IMPG1: variants seen among roughly 807,000 people sequenced by gnomAD.
IMPG1 encodes the protein interphotoreceptor matrix proteoglycan of 150 kDa.
Under a neutral mutation model 92.0 loss-of-function variants are expected in IMPG1, and 85 were observed. The observed-to-expected ratio is 0.92, with a 90% CI of 0.78 to 1.11. The LOEUF (loss-of-function observed/expected upper bound fraction) is 1.11. Ranked by LOEUF, IMPG1 falls within the 50% of genes least tolerant of loss-of-function variation. The probability of loss-of-function intolerance (pLI) is 0.00; values close to 1 mark genes in which losing one functional copy is unlikely to be tolerated. For missense variants in IMPG1, 1,022 were observed against 956.0 expected (o/e 1.07, Z -0.91); for synonymous variants, 367 against 334.1 (o/e 1.10, Z -1.08).
rs948808743 is a variant in IMPG1, at chr6:75,921,953, T to C, written c.*136A>G. ...ACATGACTCTTCTATATTTGAAATA[T>C]GGTGTGTGCTGATTCTCAGTGTTGA... On this transcript the variant is annotated 3_prime_UTR_variant, in exon 17 of 17. Coordinates refer to ENST00000369950, the MANE Select transcript of IMPG1 (RefSeq NM_001563.4). The C allele has an allele frequency of 3.5e-5, 20 of 579,152 alleles. No individual in the cohort carries two copies. Among genetic ancestry groups the C allele is most frequent in the East Asian group, 6.3e-5 (2 of 31,800 alleles). 35.9% of individuals were successfully genotyped at this position (579,152 alleles called of 1,614,324 possible). A position where few individuals can be genotyped will look rare whatever the true frequency, so the allele number is the denominator to read the frequency against.
rs960525521 is a variant in IMPG1, at chr6:76,030,619, C to G, written c.497+3696G>C. ...GGCTCAGGGGAAAGGAACCCAGAAG[C>G]CCAACATGCTGGCAAAAAGGGCCAT... On this transcript the variant is annotated intron_variant, in intron 4 of 16. Transcript: ENST00000369950. Among the ~76,000 whole-genome samples the G allele has an allele frequency of 4.6e-5, 7 of 152,228 alleles. No individual in the cohort carries two copies. The East Asian group carries it at 1.4e-3, about 30-fold the overall frequency.
intron 12 of IMPG1, among the ~76,000 whole-genome samples, chr6:75,987,475 C>A (rs1582087737): frequency 6.8e-6 from 1 of 148,088 alleles, no homozygotes; most frequent in African/African-American, 2.5e-5. Flanking sequence ...CCCACCCCAC[C>A]ACAGGCTCCG....
At chr6:76,052,663 C>A (rs568218815) in intron 1 of IMPG1, among the ~76,000 whole-genome samples, 29 of 152,220 alleles carry the variant, frequency 1.9e-4, no homozygotes, top group Non-Finnish European at 4.1e-4. Context: ...GCAATTTTAG[C>A]AAACATTTAA....
intron 1 of IMPG1, among the ~76,000 whole-genome samples, chr6:76,060,892 T>G (rs1187961636): frequency 6.6e-6 from 1 of 152,146 alleles, no homozygotes; most frequent in South Asian, 2.1e-4. Flanking sequence ...TATTCTCAAT[T>G]AAAATATAAG....
intron 12 of IMPG1, among the ~76,000 whole-genome samples, chr6:75,977,620 A>G (rs1365697834): frequency 6.6e-6 from 1 of 151,938 alleles, no homozygotes; most frequent in Non-Finnish European, 1.5e-5. Flanking sequence ...AACCCCCAAA[A>G]AACAAGCATA....
At chr6:75,947,857 TAAAA>T (rs5877465) in intron 13 of IMPG1, among the ~76,000 whole-genome samples, 1 of 147,162 alleles carries the variant, frequency 6.8e-6, no homozygotes, top group Non-Finnish European at 1.5e-5. Context: ...GTTCAGTTAT[TAAAA>T]AAAAAAAAAC....
chr6:75,957,460 GC>G (rs766370706), intron 12 of IMPG1, among the ~76,000 whole-genome samples: 2 of 152,090 alleles, frequency 1.3e-5, no homozygotes, highest in Non-Finnish European at 2.9e-5. Context: ...GTCCTGAATA[GC>G]CTTGTTAGTT....
At chr6:75,965,827 T>C (rs1344649904) in intron 12 of IMPG1, among the ~76,000 whole-genome samples, 1 of 152,084 alleles carries the variant, frequency 6.6e-6, no homozygotes, top group Non-Finnish European at 1.5e-5. Flanking sequence ...CAGGATGGTC[T>C]CGATCTCCTG....
In IMPG1 at chr6:76,018,876, A is replaced by G; in HGVS notation, c.667-18T>C. ...TCTCTTTCCTGAGTTTAAAAAAAAA[A>G]AAAAGGACTTCTGTTAACCTAAACC... On this transcript the variant is annotated intron_variant, in intron 6 of 16. Transcript: ENST00000369950. 1 of 1,568,552 alleles carries G rather than the reference A, an allele frequency of 6.4e-7. No homozygotes were observed. The highest frequency in any genetic ancestry group is 8.6e-7 in the Non-Finnish European group (1 of 1,161,634).
At chr6:76,071,680 T>C (rs1784405074) in intron 1 of IMPG1, among the ~76,000 whole-genome samples, 1 of 152,142 alleles carries the variant, frequency 6.6e-6, no homozygotes, top group Admixed American at 6.6e-5. Flanking sequence ...AAAGAAATTC[T>C]TAACCTTATT....
chr6:76,005,376 T>G lies in IMPG1; in HGVS notation c.1046A>C (p.Tyr349Ser), dbSNP rs139816946. The G allele has an allele frequency of 6.2e-7, 1 of 1,614,088 alleles. No homozygotes were observed. The highest frequency in any genetic ancestry group is 8.5e-7 in the Non-Finnish European group (1 of 1,179,954). ...CCTTTTGAGGTCTGTAGCTGTGAGA[T>G]AGATTTCTGGTTGCTTGTCCTCCTC... ...TMEEDKQPEI[Y>S]LTATDLKRLI... The change falls in exon 10 of 17, where the codon TAT becomes TCT. Residue 349 changes from tyrosine to serine, a missense_variant. Transcript: ENST00000369950.
intron 13 of IMPG1, among the ~76,000 whole-genome samples, chr6:75,948,515 T>C (rs191191991): frequency 5.0e-4 from 76 of 152,290 alleles, no homozygotes; most frequent in Admixed American, 5.0e-3. Context: ...CACATTCTGT[T>C]ACTTCCCTCA....
chr6:75,964,781 TCAAA>T (rs1782278235), intron 12 of IMPG1, among the ~76,000 whole-genome samples: 1 of 151,648 alleles, frequency 6.6e-6, no homozygotes, highest in African/African-American at 2.4e-5. Flanking sequence ...TAGCATAATA[TCAAA>T]CAATGTTGAC....
At chr6:75,954,060 C>CA (rs1782078517) in intron 12 of IMPG1, among the ~76,000 whole-genome samples, 1 of 152,116 alleles carries the variant, frequency 6.6e-6, no homozygotes, top group African/African-American at 2.4e-5. Context: ...GTGAACATTG[C>CA]CACAATAAAT....
At chr6:75,939,636 A>C (rs1781805996) in intron 14 of IMPG1, among the ~76,000 whole-genome samples, 1 of 152,204 alleles carries the variant, frequency 6.6e-6, no homozygotes, top group Non-Finnish European at 1.5e-5. Flanking sequence ...TTCTTACAGC[A>C]GTTAGTTAAA....
In IMPG1 at chr6:75,924,699, T is replaced by G. The variant is rs1297454420; in HGVS notation, c.2244-993A>C. On this transcript the variant is annotated intron_variant, in intron 15 of 16. Transcript: ENST00000369950. The stretch of plus-strand genomic sequence containing the variant: ...ATATTATATATTATATATAAATAAT[T>G]ATATATAATATATAATATATAATAT... 2.9e-3 allele frequency among the ~76,000 whole-genome samples: 2 copies of G among 678 alleles called. 1 individual carries two copies. Among genetic ancestry groups the G allele is most frequent in the Non-Finnish European group, 4.5e-3 (2 of 442 alleles). 0.4% of individuals were successfully genotyped at this position (678 alleles called of 152,430 possible).
In IMPG1 at chr6:76,066,315, G is replaced by T. The variant is rs1437172941; in HGVS notation, c.67+6107C>A. On this transcript the variant is annotated intron_variant, in intron 1 of 16. Transcript: ENST00000369950. ...AAAAAACAAGGTCCAATGATGTGCTGCTTATAAAAAACTTGGTAAAACACT... is the reference window on the plus strand; with the variant it reads ...AAAAAACAAGGTCCAATGATGTGCTTCTTATAAAAAACTTGGTAAAACACT... Among the ~76,000 whole-genome samples, 3 of 151,928 alleles carry T rather than the reference G, an allele frequency of 2.0e-5. No homozygotes were observed. The East Asian group carries it at 5.8e-4, about 29-fold the overall frequency.
chr6:76,042,233 T>G (rs927455006), intron 1 of IMPG1, 107 bp from the exon 2 acceptor site: 3 of 692,160 alleles, frequency 4.3e-6, no homozygotes, highest in Admixed American at 5.1e-5. Context: ...TCCTTTAGTT[T>G]ATGAAATTTC....
chr6:75,982,591 A>G (rs1782646568), intron 12 of IMPG1, among the ~76,000 whole-genome samples: 1 of 149,976 alleles, frequency 6.7e-6, no homozygotes, highest in Non-Finnish European at 1.5e-5. Context: ...ATATAGATAT[A>G]TATATGTGTG....
Sources: allele counts gnomAD v4.1 joint callset (sites outside exome capture counted in the v4.1 genomes callset), GRCh38; gene constraint gnomAD v4.1.1; transcripts MANE v1.5; gene names NCBI Gene and HGNC (gene_info 2026-07-23, HGNC 2026-07-21).